Variants in PLEKHA2 observed in about 807,000 individuals in gnomAD.
PLEKHA2 encodes pleckstrin homology domain containing A2.
In PLEKHA2, 28 loss-of-function variants were observed where a neutral mutation model predicts 53.2. The ratio of observed to expected loss-of-function variants is 0.53; its 90% CI spans 0.39 to 0.72. The LOEUF (loss-of-function observed/expected upper bound fraction) is 0.72. PLEKHA2 is among the 30% of genes least tolerant of loss of function. The pLI is 0.00. For missense variants in PLEKHA2, 426 were observed against 537.9 expected, an observed-to-expected ratio of 0.79 and a Z score of 2.06; for synonymous variants, 193 against 196.4, an observed-to-expected ratio of 0.98 and a Z score of 0.14.
intron 1 of PLEKHA2, among the ~76,000 whole-genome samples, chr8:38,902,493 G>C (rs1343034681): frequency 2.0e-5 from 3 of 152,186 alleles, no homozygotes; most frequent in Admixed American, 2.0e-4. Flanking sequence ...GTAAACGGCA[G>C]AGAAGAGGGA....
At chr8:38,951,092 G>C in intron 6 of PLEKHA2, 102 bp downstream of exon 6, 1 of 878,490 alleles carries the variant, frequency 1.1e-6, no homozygotes, top group Non-Finnish European at 1.6e-6. Context: ...AAGGAGGGTG[G>C]GAGTGGGGGG....
At chr8:38,928,872 G>A (rs1834336417) in intron 2 of PLEKHA2, among the ~76,000 whole-genome samples, 1 of 152,154 alleles carries the variant, frequency 6.6e-6, no homozygotes, top group Admixed American at 6.5e-5. Context: ...GAGGAGAGGT[G>A]TTTGGCCCTA....
rs1406675028 is a variant in PLEKHA2 at position 38,970,649 on chromosome 8, A to C, written c.*866A>C. ...CCGCCTCTACTAAAAAATATGCAAA[A>C]TTAGCCGGGCGTGGTGGTGCAGGCC... On this transcript the variant is annotated 3_prime_UTR_variant, in exon 12 of 12. Transcript: ENST00000617275. 1 of 161,086 alleles carries C rather than the reference A, an allele frequency of 6.2e-6. No homozygotes were observed. The highest frequency in any genetic ancestry group is 1.4e-5 in the Non-Finnish European group (1 of 72,568). The allele number at this position is 161,086 out of a possible 1,614,324, so 10.0% of individuals were successfully genotyped here.
intron 10 of PLEKHA2, among the ~76,000 whole-genome samples, chr8:38,957,812 C>T (rs1172551629): frequency 6.6e-6 from 1 of 152,232 alleles, no homozygotes; most frequent in African/African-American, 2.4e-5. Context: ...ACAGAGGAAG[C>T]CATTGTTCAG....
intron 5 of PLEKHA2, among the ~76,000 whole-genome samples, chr8:38,947,817 G>C (rs977614277): frequency 1.3e-5 from 2 of 151,872 alleles, no homozygotes; most frequent in Non-Finnish European, 2.9e-5. Context: ...GGCCAGGCGC[G>C]GTGGCTCACG....
chr8:38,947,043 A>G (rs1002800728), intron 5 of PLEKHA2, among the ~76,000 whole-genome samples: 5 of 152,216 alleles, frequency 3.3e-5, no homozygotes, highest in African/African-American at 1.2e-4. Context: ...TATAGAAGAA[A>G]TTTGTACACG....
rs561783454 is a variant in PLEKHA2, at chr8:38,950,825, T to G, written c.346-25T>G. 1.9e-5 allele frequency: 30 copies of G among 1,606,688 alleles called. No individual in the cohort carries two copies. In the East Asian group the frequency reaches 6.3e-4, roughly 34 times the overall value. ...GTTTCCTAAATGTTCTGTTCCCCAT[T>G]GATTGTTGCTGCCGCTCACCCCAGG... On this transcript the variant is annotated intron_variant, in intron 5 of 11. Coordinates refer to ENST00000617275, the MANE Select transcript of PLEKHA2 (RefSeq NM_021623.2).
Position 38,973,358 on chromosome 8 carries a change from T to C in PLEKHA2, c.*3575T>C, listed in dbSNP as rs1835286880. Reference sequence around the variant, plus strand: ...TACTTGAAGCAAATTTTTTTTCTTTTATATTTCTGAATATAAATATACTCT... The same window carrying C: ...TACTTGAAGCAAATTTTTTTTCTTTCATATTTCTGAATATAAATATACTCT... On this transcript the variant is annotated 3_prime_UTR_variant, in exon 12 of 12. Transcript: ENST00000617275. The C allele has an allele frequency of 6.6e-6, 1 of 152,096 alleles. No homozygotes were observed. The highest frequency in any genetic ancestry group is 1.5e-5 in the Non-Finnish European group (1 of 68,014). The allele number at this position is 152,096 out of a possible 1,614,324, so 9.4% of individuals were successfully genotyped here. A position where few individuals can be genotyped will look rare whatever the true frequency, so the allele number is the denominator to read the frequency against.
rs373511169 is a variant in PLEKHA2, at chr8:38,953,250, A to G, written c.703-47A>G. Reference sequence around the variant, plus strand: ...TTGGTCAGCTGGTCTGGGTCGTGATATGACACAGACAGCCTCACTTACCTG... The same window carrying G: ...TTGGTCAGCTGGTCTGGGTCGTGATGTGACACAGACAGCCTCACTTACCTG... On this transcript the variant is annotated intron_variant, in intron 8 of 11. Coordinates refer to ENST00000617275, the MANE Select transcript of PLEKHA2 (RefSeq NM_021623.2). The G allele has an allele frequency of 6.7e-6, 10 of 1,495,986 alleles. No individual in the cohort carries two copies. In the Middle Eastern group the frequency reaches 5.1e-4, roughly 76 times the overall value. The allele number at this position is 1,495,986 out of a possible 1,614,324, so 92.7% of individuals were successfully genotyped here. A position where few individuals can be genotyped will look rare whatever the true frequency, so the allele number is the denominator to read the frequency against.
intron 2 of PLEKHA2, among the ~76,000 whole-genome samples, chr8:38,930,646 C>CGGCAT (rs10558056): frequency 2.0e-5 from 3 of 151,458 alleles, no homozygotes; most frequent in Non-Finnish European, 4.4e-5. Context: ...CGGCACCCCA[C>CGGCAT]GGCATGGCAT....
chr8:38,924,940 T>A (rs1834257812), intron 2 of PLEKHA2, among the ~76,000 whole-genome samples: 1 of 152,236 alleles, frequency 6.6e-6, no homozygotes, highest in Admixed American at 6.5e-5. Context: ...ATGGAAAGTC[T>A]CAGTATTATT....
intron 3 of PLEKHA2, among the ~76,000 whole-genome samples, chr8:38,936,373 T>G (rs762936249): frequency 6.6e-6 from 1 of 152,224 alleles, no homozygotes; most frequent in Non-Finnish European, 1.5e-5. Context: ...CATGACCTTT[T>G]TTTGTAATTG....
rs140375020 is a variant in PLEKHA2, at chr8:38,933,985, C to G, written c.142-2009C>G. Among the ~76,000 whole-genome samples, 39 of 151,886 alleles carry G rather than the reference C, an allele frequency of 2.6e-4. No homozygotes were observed. In the East Asian group the frequency reaches 7.0e-3, roughly 27 times the overall value. The stretch of plus-strand genomic sequence containing the variant: ...TCCCCCACTCTAAGATTCTTGGGTT[C>G]TGAGAATACCTTTTTTGGTAGTATT... On this transcript the variant is annotated intron_variant, in intron 2 of 11. Coordinates refer to ENST00000617275, the MANE Select transcript of PLEKHA2 (RefSeq NM_021623.2).
intron 10 of PLEKHA2, among the ~76,000 whole-genome samples, chr8:38,959,697 G>A (rs928639527): frequency 2.6e-5 from 4 of 152,190 alleles, no homozygotes; most frequent in Non-Finnish European, 5.9e-5. Context: ...CCTGAATGAG[G>A]GTAGATGGAG....
At chr8:38,965,406 C>T (rs1224489448) in intron 10 of PLEKHA2, among the ~76,000 whole-genome samples, 1 of 152,080 alleles carries the variant, frequency 6.6e-6, no homozygotes, top group East Asian at 1.9e-4. Flanking sequence ...TAGCTTAACA[C>T]CCCTGGAAAC....
At chr8:38,940,649 GC>G (rs1183315716) in intron 3 of PLEKHA2, among the ~76,000 whole-genome samples, 73 of 64,500 alleles carry the variant, frequency 1.1e-3, no homozygotes, top group African/African-American at 3.8e-3. Flanking sequence ...GATTGAAGGG[GC>G]GGGGGGGGGG....
At chr8:38,939,828 G>A (rs569367423) in intron 3 of PLEKHA2, among the ~76,000 whole-genome samples, 44 of 152,258 alleles carry the variant, frequency 2.9e-4, no homozygotes, top group South Asian at 1.2e-3. Context: ...ACTCATGCCT[G>A]TAATCCCAGC....
intron 9 of PLEKHA2, among the ~76,000 whole-genome samples, chr8:38,956,171 G>A: frequency 6.6e-6 from 1 of 152,200 alleles, no homozygotes; most frequent in East Asian, 1.9e-4. Flanking sequence ...CAGTGGCTGG[G>A]GATATACGCG....
At chr8:38,918,837 C>CTTGGAG (rs1194354442) in intron 2 of PLEKHA2, among the ~76,000 whole-genome samples, 1 of 152,222 alleles carries the variant, frequency 6.6e-6, no homozygotes, top group African/African-American at 2.4e-5. Flanking sequence ...AAAACCATCT[C>CTTGGAG]AGATCTTAGC....
Sources: allele counts gnomAD v4.1 joint callset (sites outside exome capture counted in the v4.1 genomes callset), GRCh38; gene constraint gnomAD v4.1.1; transcripts MANE v1.5; gene names NCBI Gene and HGNC (gene_info 2026-07-23, HGNC 2026-07-21).